The following MAD1L1 variants were observed in gnomAD, a reference collection of about 807,000 sequenced individuals.
The protein encoded by MAD1L1 is mitotic arrest deficient 1 like 1, also known as mitotic spindle assembly checkpoint protein MAD1.
Under a neutral mutation model 96.9 loss-of-function variants are expected in MAD1L1, and 95 were observed. That is an observed-to-expected ratio of 0.98 (90% CI 0.83 to 1.16). MAD1L1 has a LOEUF of 1.16. MAD1L1 is among the 50% of genes most tolerant of loss of function. The pLI is 0.00. For synonymous variants in MAD1L1, 473 were observed against 396.6 expected, an observed-to-expected ratio of 1.19 and a Z score of -2.29; for missense variants, 1,007 against 954.4, an observed-to-expected ratio of 1.06 and a Z score of -0.73.
At chr7:1,886,605 G>A (rs760457982) in intron 18 of MAD1L1, among the ~76,000 whole-genome samples, 9 of 152,254 alleles carry the variant, frequency 5.9e-5, no homozygotes, top group Admixed American at 1.3e-4. Flanking sequence ...GCGTGTGGGC[G>A]TGTGCAGGTT....
Position 2,153,464 on chromosome 7 carries a change from G to A in MAD1L1, c.987-4226C>T, listed in dbSNP as rs78240169. 2.8e-3 allele frequency among the ~76,000 whole-genome samples: 424 copies of A among 152,228 alleles called. 2 individuals carry two copies. The highest frequency in any genetic ancestry group is 9.2e-3 in the African/African-American group (383 of 41,534). On this transcript the variant is annotated intron_variant, in intron 10 of 18. Transcript: ENST00000265854. ...AAAATGGTCAACATCACTAATCATC[G>A]GGGGAATTGCAAATCAAAACCACAA...
intron 10 of MAD1L1, among the ~76,000 whole-genome samples, chr7:2,173,204 T>C (rs971108031): frequency 6.6e-6 from 1 of 152,238 alleles, no homozygotes; most frequent in African/African-American, 2.4e-5. Flanking sequence ...CTCTAGACGA[T>C]AGGCTTTCAT....
At chr7:2,149,351 A>G in intron 10 of MAD1L1, 113 bp from the exon 11 acceptor site, 1 of 833,902 alleles carries the variant, frequency 1.2e-6, no homozygotes, top group Admixed American at 2.0e-5. Context: ...TCTGGGACCC[A>G]GGATGTGTGA....
intron 11 of MAD1L1, among the ~76,000 whole-genome samples, chr7:2,069,712 G>T (rs1326415906): frequency 6.6e-6 from 1 of 152,212 alleles, no homozygotes. Flanking sequence ...GGAAGCAAGC[G>T]CCAGGCGCCT....
intron 12 of MAD1L1, among the ~76,000 whole-genome samples, chr7:2,031,920 G>A (rs540728596): frequency 1.3e-5 from 2 of 152,222 alleles, no homozygotes; most frequent in Non-Finnish European, 2.9e-5. Flanking sequence ...GCAGTCAGAC[G>A]GGTTCCTTTC....
intron 10 of MAD1L1, among the ~76,000 whole-genome samples, chr7:2,150,348 T>C (rs139015421): frequency 2.6e-5 from 4 of 152,200 alleles, no homozygotes; most frequent in Non-Finnish European, 5.9e-5. Context: ...TCCTGCTGCC[T>C]AAAACGCGCA....
intron 11 of MAD1L1, among the ~76,000 whole-genome samples, chr7:2,125,717 A>G (rs1344351322): frequency 3.3e-5 from 5 of 152,350 alleles, no homozygotes; most frequent in African/African-American, 1.2e-4. Context: ...CGAGTGCTCC[A>G]GAAACTGCAG....
chr7:2,117,029 G>A (rs568126058), intron 11 of MAD1L1, among the ~76,000 whole-genome samples: 2 of 152,352 alleles, frequency 1.3e-5, no homozygotes, highest in South Asian at 4.1e-4. Flanking sequence ...AATGCAGCAG[G>A]AGAGGGATCC....
rs17132248 is a variant in MAD1L1, at chr7:2,142,893, G to A, written c.1073+6259C>T. Among the ~76,000 whole-genome samples, 6,717 of 152,142 alleles carry A rather than the reference G, an allele frequency of 0.044. 521 individuals carry two copies. Among genetic ancestry groups the A allele is most frequent in the African/African-American group, 0.15 (6,310 of 41,478 alleles). ...TGCTCTCTCACCCACACTGATCCAC[G>A]GCAAATTCCGTCACCTTGACCTCCC... On this transcript the variant is annotated intron_variant, in intron 11 of 18. Transcript: ENST00000265854. The surrounding 1 kb of genome is among the most constrained non-coding windows in gnomAD (Gnocchi z 4.7).
At chr7:1,933,919 C>G (rs1042526483) in intron 17 of MAD1L1, among the ~76,000 whole-genome samples, 6 of 152,204 alleles carry the variant, frequency 3.9e-5, no homozygotes, top group Admixed American at 3.9e-4. Flanking sequence ...GTAACTCAGG[C>G]GGGTTCTCAG....
At chr7:1,888,452 G>A (rs1158141446) in intron 18 of MAD1L1, among the ~76,000 whole-genome samples, 1 of 147,846 alleles carries the variant, frequency 6.8e-6, no homozygotes, top group Non-Finnish European at 1.5e-5. Flanking sequence ...ACATGTGTGT[G>A]CACGCATGTA....
intron 18 of MAD1L1, among the ~76,000 whole-genome samples, chr7:1,822,603 CAT>C (rs1782185594): frequency 6.6e-6 from 1 of 151,704 alleles, no homozygotes; most frequent in Non-Finnish European, 1.5e-5. Context: ...GTATTTTTTT[CAT>C]AGAGATGGGG....
chr7:2,122,851 G>A (rs1249417197), intron 11 of MAD1L1, among the ~76,000 whole-genome samples: 2 of 152,200 alleles, frequency 1.3e-5, no homozygotes, highest in Non-Finnish European at 2.9e-5. Context: ...ACATGTGCAG[G>A]CCATGGCGTC....
At chr7:2,219,010 T>A (rs754675681) in intron 6 of MAD1L1, among the ~76,000 whole-genome samples, 12 of 152,086 alleles carry the variant, frequency 7.9e-5, no homozygotes, top group Non-Finnish European at 1.6e-4. Flanking sequence ...CAGTGAGCCA[T>A]GATTACACCA....
At chr7:2,083,574 G>A (rs1472795991) in intron 11 of MAD1L1, among the ~76,000 whole-genome samples, 1 of 152,228 alleles carries the variant, frequency 6.6e-6, no homozygotes, top group Non-Finnish European at 1.5e-5. Context: ...GGAGGCCAGC[G>A]CAGGGCGGGC....
chr7:2,105,366 C>T (rs1465891374), intron 11 of MAD1L1, among the ~76,000 whole-genome samples: 4 of 149,436 alleles, frequency 2.7e-5, no homozygotes, highest in African/African-American at 7.4e-5. Context: ...CAGAACAGGC[C>T]GCAGAAACCG....
chr7:1,885,399 C>A (rs772657092), intron 18 of MAD1L1, among the ~76,000 whole-genome samples: 2 of 152,210 alleles, frequency 1.3e-5, no homozygotes, highest in African/African-American at 2.4e-5. Context: ...TTAACGAGGG[C>A]TTTGAAGCTC....
At chr7:2,024,490 AGAAATTGG>A (rs1562617144) in intron 12 of MAD1L1, among the ~76,000 whole-genome samples, 4 of 152,214 alleles carry the variant, frequency 2.6e-5, no homozygotes, top group Non-Finnish European at 5.9e-5. Context: ...GCTGTCACAT[AGAAATTGG>A]CGGTGAGCCA....
intron 16 of MAD1L1, chr7:1,939,947 T>A (rs1277044941): frequency 1.3e-5 from 2 of 152,490 alleles, no homozygotes; most frequent in Non-Finnish European, 2.9e-5. Context: ...GAGGAGAGGA[T>A]GGGGAAGAAG....
Sources: gnomAD v4.1 joint callset for allele counts (sites outside exome capture counted in the v4.1 genomes callset) on GRCh38, gnomAD v4.1.1 for gene constraint, Gnocchi (gnomAD v3.1) non-coding constraint, MANE v1.5 for transcripts, NCBI Gene and HGNC (gene_info 2026-07-23, HGNC 2026-07-21) for gene names.